The following SOS1 variants were observed in gnomAD, a reference collection of about 807,000 sequenced individuals.
SOS1 encodes the protein son of sevenless homolog 1.
SOS1 carries 25 observed loss-of-function variants against 157.6 expected under a neutral mutation model. The ratio of observed to expected loss-of-function variants is 0.16; its 90% CI spans 0.12 to 0.22. The LOEUF (loss-of-function observed/expected upper bound fraction) is 0.22. Among genes scored for constraint, SOS1 ranks in the 10% least tolerant of loss-of-function variants. The pLI, the probability that SOS1 is intolerant of heterozygous loss-of-function variation, is 1.00. For missense variants in SOS1, 1,237 were observed against 1,599.1 expected (o/e 0.77, Z 3.86); for synonymous variants, 528 against 534.0 (o/e 0.99, Z 0.16).
chr2:38,997,533 C>A, intron 17 of SOS1, 108 bp from the exon 18 acceptor site: 7 of 646,476 alleles, frequency 1.1e-5, no homozygotes, highest in South Asian at 4.1e-5. Flanking sequence ...GTTGCCAAAA[C>A]AAAAGAACCA....
In SOS1 at chr2:39,049,386, G is replaced by A. The variant is rs139647799; in HGVS notation, c.864+1758C>T. 4.5e-3 allele frequency among the ~76,000 whole-genome samples: 689 copies of A among 152,160 alleles called. 7 individuals are homozygous for A. The highest frequency in any genetic ancestry group is 0.016 in the African/African-American group (660 of 41,498). Reference sequence around the variant, plus strand: ...TTCAATGCTTGTATATTTAATTCTCGAAATCTCTGTCTTTTGATATCTAGA... The same window carrying A: ...TTCAATGCTTGTATATTTAATTCTCAAAATCTCTGTCTTTTGATATCTAGA... On this transcript the variant is annotated intron_variant, in intron 6 of 22. Transcript: ENST00000402219.
At chr2:39,090,563 G>A (rs901320508) in intron 1 of SOS1, among the ~76,000 whole-genome samples, 1 of 152,052 alleles carries the variant, frequency 6.6e-6, no homozygotes, top group African/African-American at 2.4e-5. Context: ...AGGCATGGTG[G>A]CAGGCGCCTG....
At chr2:39,074,486 C>A (rs1197573218) in intron 1 of SOS1, among the ~76,000 whole-genome samples, 6 of 151,952 alleles carry the variant, frequency 3.9e-5, no homozygotes, top group Non-Finnish European at 7.4e-5. Flanking sequence ...ATTGCTTGAA[C>A]CCGAGAGGCA....
chr2:39,086,704 C>G (rs371398851), intron 1 of SOS1, among the ~76,000 whole-genome samples: 127 of 152,298 alleles, frequency 8.3e-4, no homozygotes, highest in African/African-American at 3.0e-3. Flanking sequence ...CATCTTTCTA[C>G]TTTACTAAAA....
chr2:38,995,849 T>C (rs960148314), intron 19 of SOS1, among the ~76,000 whole-genome samples: 2 of 152,224 alleles, frequency 1.3e-5, no homozygotes, highest in East Asian at 1.9e-4. Context: ...CAATTTTCAT[T>C]TGTGTATGTA....
At chr2:39,029,455 G>T (rs1245572298) in intron 8 of SOS1, among the ~76,000 whole-genome samples, 1 of 151,932 alleles carries the variant, frequency 6.6e-6, no homozygotes, top group Non-Finnish European at 1.5e-5. Flanking sequence ...GCCAGATGCC[G>T]TCTCTACCAG....
At chr2:39,100,947 C>A (rs1234821055) in intron 1 of SOS1, among the ~76,000 whole-genome samples, 1 of 152,064 alleles carries the variant, frequency 6.6e-6, no homozygotes, top group Non-Finnish European at 1.5e-5. Context: ...AGCAAGGAGA[C>A]ATGGAGAAAA....
At chr2:39,079,277 C>T (rs1017244274) in intron 1 of SOS1, among the ~76,000 whole-genome samples, 2 of 150,804 alleles carry the variant, frequency 1.3e-5, no homozygotes, top group Non-Finnish European at 3.0e-5. Flanking sequence ...ATATAAGTTA[C>T]AGAACAATAG....
At position 39,031,430 on chromosome 2, in the gene SOS1, C is replaced by A. The variant is rs1670156770; in HGVS notation, c.1074+3782G>T. ...AACCAAACATGTACTGATTTGCTAA[C>A]CTTTAAAATATTGGTCAGGCCAGGT... On this transcript the variant is annotated intron_variant, in intron 8 of 22. Transcript: ENST00000402219. Among the ~76,000 whole-genome samples, 5 of 152,180 alleles carry A rather than the reference C, an allele frequency of 3.3e-5. No individual in the cohort carries two copies. The East Asian group carries it at 9.7e-4, about 29-fold the overall frequency.
intron 5 of SOS1, 24 bp from the exon 6 acceptor site, chr2:39,051,311 T>C: frequency 1.3e-6 from 2 of 1,599,982 alleles, no homozygotes; most frequent in Non-Finnish European, 1.7e-6. Context: ...AACACATTAA[T>C]TCAGTGAGGC....
chr2:39,014,536 T>C (rs556308386), intron 11 of SOS1, among the ~76,000 whole-genome samples: 15 of 152,174 alleles, frequency 9.9e-5, no homozygotes, highest in African/African-American at 3.4e-4. Context: ...TTCTGTAAAT[T>C]TGAAATTTCA....
chr2:39,120,537 G>GC lies in SOS1; in HGVS notation c.-116dup. 1 of 1,091,668 alleles carries GC rather than the reference G, an allele frequency of 9.2e-7. No homozygotes were observed. The highest frequency in any genetic ancestry group is 1.1e-6 in the Non-Finnish European group (1 of 898,690). The allele number at this position is 1,091,668 out of a possible 1,614,324, so 67.6% of individuals were successfully genotyped here. ...GGCCGCGGCCCCACCGGACGGCCCG[G>GC]CCCCCTCCGGGCGCCGCGCAGCCGG... On this transcript the variant is annotated 5_prime_UTR_variant, in exon 1 of 23. Coordinates refer to ENST00000402219, the MANE Select transcript of SOS1 (RefSeq NM_005633.4).
intron 11 of SOS1, among the ~76,000 whole-genome samples, chr2:39,014,273 T>A (rs1669560245): frequency 6.6e-6 from 1 of 152,100 alleles, no homozygotes; most frequent in African/African-American, 2.4e-5. Context: ...GACTATAAAG[T>A]TACGGGACTG....
At chr2:39,104,410 A>G (rs1267986859) in intron 1 of SOS1, among the ~76,000 whole-genome samples, 9 of 152,274 alleles carry the variant, frequency 5.9e-5, no homozygotes, top group African/African-American at 2.2e-4. Flanking sequence ...AGAGAAATAC[A>G]AACCAAAAGG....
Position 38,987,601 on chromosome 2 carries a change from G to A in SOS1, c.3392-10C>T, listed in dbSNP as rs369915721. On this transcript the variant is annotated splice_polypyrimidine_tract_variant and intron_variant, in intron 21 of 22. Coordinates refer to ENST00000402219, the MANE Select transcript of SOS1 (RefSeq NM_005633.4). Reference sequence around the variant, plus strand: ...GATACAGAAGCAGATCCTGTGGGATGTTAAATTTTTAAGAAAAAGTCCACA... The same window carrying A: ...GATACAGAAGCAGATCCTGTGGGATATTAAATTTTTAAGAAAAAGTCCACA... 31 of 1,330,386 alleles carry A rather than the reference G, an allele frequency of 2.3e-5. No individual in the cohort carries two copies. The highest frequency in any genetic ancestry group is 3.1e-5 in the Non-Finnish European group (29 of 924,410). 82.4% of individuals were successfully genotyped at this position (1,330,386 alleles called of 1,614,324 possible). A position where few individuals can be genotyped will look rare whatever the true frequency, so the allele number is the denominator to read the frequency against.
At chr2:39,007,293 G>T (rs1406968606) in intron 15 of SOS1, 100 bp from the exon 16 acceptor site, 1 of 790,168 alleles carries the variant, frequency 1.3e-6, no homozygotes, top group Non-Finnish European at 2.2e-6. Context: ...GAGTAGGGGG[G>T]TGGCGATAGT....
At chr2:39,009,763 A>C (rs1040975682) in intron 15 of SOS1, among the ~76,000 whole-genome samples, 4 of 152,196 alleles carry the variant, frequency 2.6e-5, no homozygotes. Context: ...AAGGGAATAG[A>C]GCTACATAGG....
At chr2:39,037,340 A>C (rs902930484) in intron 6 of SOS1, among the ~76,000 whole-genome samples, 1 of 152,202 alleles carries the variant, frequency 6.6e-6, no homozygotes, top group Admixed American at 6.5e-5. Flanking sequence ...TCATATGCCA[A>C]ATATCATAAT....
chr2:39,079,087 A>G (rs1389252481), intron 1 of SOS1, among the ~76,000 whole-genome samples: 1 of 5,472 alleles, frequency 1.8e-4, no homozygotes, highest in Admixed American at 1.7e-3. Context: ...AAAAAAAAAA[A>G]GTTGAGGACT....
Sources: gnomAD v4.1 joint callset for allele counts (sites outside exome capture counted in the v4.1 genomes callset) on GRCh38, gnomAD v4.1.1 for gene constraint, MANE v1.5 for transcripts, NCBI Gene and HGNC (gene_info 2026-07-23, HGNC 2026-07-21) for gene names.